Variants in LRRC63 observed in about 807,000 individuals in gnomAD.
LRRC63 encodes leucine-rich repeat-containing protein 63.
A neutral mutation model predicts 49.5 loss-of-function variants in LRRC63; 40 were observed. The observed-to-expected ratio is 0.81, with a 90% CI of 0.63 to 1.05. LRRC63 has a LOEUF of 1.05. Among genes scored for constraint, LRRC63 ranks in the 50% least tolerant of loss-of-function variants. LRRC63 has a pLI of 0.00. For synonymous variants in LRRC63, 191 were observed against 221.1 expected (o/e 0.86, Z 1.21); for missense variants, 636 against 663.1 (o/e 0.96, Z 0.45).
At chr13:46,274,929 A>G (rs1482673218) in intron 9 of LRRC63, among the ~76,000 whole-genome samples, 1 of 152,160 alleles carries the variant, frequency 6.6e-6, no homozygotes, top group African/African-American at 2.4e-5. Flanking sequence ...GTGCTATAGA[A>G]CACTAAAACT....
At chr13:46,250,372 T>C in exon 7 of LRRC63, 1 of 1,516,240 alleles carries the variant, frequency 6.6e-7, no homozygotes, top group Non-Finnish European at 8.9e-7. Context: ...GTCTTAAAAA[T>C]TTACAAATAC....
chr13:46,256,931 G>A (rs559237802), intron 7 of LRRC63, among the ~76,000 whole-genome samples: 1 of 152,188 alleles, frequency 6.6e-6, no homozygotes, highest in African/African-American at 2.4e-5. Context: ...ATGTGAATAT[G>A]TTATATTACA....
chr13:46,228,723 A>C (rs1366346041), exon 4 of LRRC63: 1 of 1,538,786 alleles, frequency 6.5e-7, no homozygotes, highest in Non-Finnish European at 8.8e-7. Context: ...TCCCACCAAG[A>C]CCACCTGAAG....
At chr13:46,219,473 C>A (rs1266542690) in intron 2 of LRRC63, among the ~76,000 whole-genome samples, 1 of 152,186 alleles carries the variant, frequency 6.6e-6, no homozygotes, top group African/African-American at 2.4e-5. Flanking sequence ...CTTCTCTAAA[C>A]TGGTTATTCT....
At chr13:46,240,980 A>C (rs1454471206) in intron 5 of LRRC63, among the ~76,000 whole-genome samples, 3 of 152,190 alleles carry the variant, frequency 2.0e-5, no homozygotes, top group Non-Finnish European at 1.5e-5. Context: ...ACTAGAAAAA[A>C]CTATTATAAA....
chr13:46,220,704 C>T (rs1234956499), intron 2 of LRRC63, among the ~76,000 whole-genome samples: 2 of 151,966 alleles, frequency 1.3e-5, no homozygotes, highest in Admixed American at 6.5e-5. Flanking sequence ...CATGGCCACC[C>T]AGTTTTGTGC....
At chr13:46,234,247 T>C (rs1260190999) in exon 5 of LRRC63, 18 of 1,550,126 alleles carry the variant, frequency 1.2e-5, no homozygotes, top group Admixed American at 5.9e-5. Context: ...GTGGTGAAGG[T>C]TTTAAGACTG....
chr13:46,272,107 A>G (rs2047767733), intron 9 of LRRC63, among the ~76,000 whole-genome samples: 4 of 152,344 alleles, frequency 2.6e-5, no homozygotes, highest in African/African-American at 9.6e-5. Flanking sequence ...GAGGGCAACA[A>G]TGGGTAGCGT....
intron 6 of LRRC63, among the ~76,000 whole-genome samples, chr13:46,247,818 A>G (rs1027355917): frequency 6.6e-6 from 1 of 152,140 alleles, no homozygotes; most frequent in Non-Finnish European, 1.5e-5. Flanking sequence ...GGGAGAAGGT[A>G]GAAGCAGAAA....
At chr13:46,254,562 A>G (rs1003354803) in intron 7 of LRRC63, among the ~76,000 whole-genome samples, 7 of 152,184 alleles carry the variant, frequency 4.6e-5, no homozygotes, top group African/African-American at 1.2e-4. Context: ...TTTAGTCAAC[A>G]AAGATTTATT....
intron 5 of LRRC63, among the ~76,000 whole-genome samples, chr13:46,237,909 G>T (rs909131984): frequency 2.0e-5 from 3 of 152,058 alleles, no homozygotes; most frequent in East Asian, 3.9e-4. Flanking sequence ...AAAAAAATCC[G>T]AGCAGATGTT....
At chr13:46,270,560 A>G in intron 9 of LRRC63, 1 of 857,602 alleles carries the variant, frequency 1.2e-6, no homozygotes, top group Non-Finnish European at 2.0e-6. Context: ...AGGGTTACTG[A>G]CACAAAAACG....
Position 46,257,776 on chromosome 13 carries a change from A to T in LRRC63, c.1227-4133A>T, listed in dbSNP as rs576637715. Among the ~76,000 whole-genome samples, 6 of 152,330 alleles carry T rather than the reference A, an allele frequency of 3.9e-5. No individual in the cohort carries two copies. The East Asian group carries it at 9.6e-4, about 24-fold the overall frequency. On this transcript the variant is annotated intron_variant, in intron 7 of 9. Coordinates refer to ENST00000595396, the Ensembl canonical transcript of LRRC63. ...AGTGTTAGGATTTAAATTAAGATAC[A>T]TATTTTTTCTAGATATTATCTAACA...
intron 7 of LRRC63, among the ~76,000 whole-genome samples, chr13:46,251,172 C>T (rs1478546524): frequency 6.6e-6 from 1 of 151,706 alleles, no homozygotes; most frequent in East Asian, 1.9e-4. Context: ...TAATACTTTG[C>T]AAAATAAGAG....
intron 9 of LRRC63, chr13:46,270,350 C>G (rs1312246154): frequency 3.5e-6 from 3 of 868,960 alleles, no homozygotes; most frequent in South Asian, 2.6e-5. Flanking sequence ...GGCACAGTTT[C>G]TAACAGAACT....
chr13:46,222,173 T>C (rs7988374), intron 2 of LRRC63, among the ~76,000 whole-genome samples: 4,592 of 152,314 alleles, frequency 0.03, 252 homozygotes, highest in African/African-American at 0.1. Flanking sequence ...AAATGTCTAT[T>C]CATGTCATGC....
intron 2 of LRRC63, among the ~76,000 whole-genome samples, chr13:46,224,166 CT>C (rs1413699293): frequency 6.6e-6 from 1 of 152,168 alleles, no homozygotes; most frequent in Non-Finnish European, 1.5e-5. Flanking sequence ...CTTCCTTTGT[CT>C]CTTTGCCCCT....
chr13:46,273,078 A>T (rs1384799254), intron 9 of LRRC63, among the ~76,000 whole-genome samples: 3 of 152,186 alleles, frequency 2.0e-5, no homozygotes, highest in African/African-American at 7.2e-5. Context: ...ATAAAAACTG[A>T]CACAAGTGAA....
intron 4 of LRRC63, among the ~76,000 whole-genome samples, chr13:46,229,332 C>T (rs1273191223): frequency 6.6e-6 from 1 of 152,046 alleles, no homozygotes; most frequent in Non-Finnish European, 1.5e-5. Context: ...TTAAAGCTGC[C>T]AAAAATATAT....
Sources: allele counts gnomAD v4.1 joint callset (sites outside exome capture counted in the v4.1 genomes callset), GRCh38; gene constraint gnomAD v4.1.1; transcripts MANE v1.5; gene names NCBI Gene and HGNC (gene_info 2026-07-23, HGNC 2026-07-21).